STRN3: variants seen among roughly 807,000 people sequenced by gnomAD.
STRN3 encodes striatin-3.
In STRN3, 29 loss-of-function variants were observed where a neutral mutation model predicts 95.6. That is an observed-to-expected ratio of 0.30 (90% CI 0.23 to 0.41). The LOEUF is 0.41. STRN3 is among the 10% of genes least tolerant of loss of function. The pLI is 1.00. For missense variants in STRN3, 890 were observed against 972.1 expected, an observed-to-expected ratio of 0.92 and a Z score of 1.12; for synonymous variants, 331 against 357.6, an observed-to-expected ratio of 0.93 and a Z score of 0.84.
intron 1 of STRN3, among the ~76,000 whole-genome samples, chr14:30,978,596 A>G (rs1379596380): frequency 6.6e-6 from 1 of 152,200 alleles, no homozygotes; most frequent in Admixed American, 6.5e-5. Context: ...ATTCAACATC[A>G]TACTCAAAGT....
At chr14:30,942,580 G>A (rs1366980109) in intron 5 of STRN3, among the ~76,000 whole-genome samples, 1 of 152,150 alleles carries the variant, frequency 6.6e-6, no homozygotes, top group African/African-American at 2.4e-5. Context: ...AACAACTGGA[G>A]GTTCAAAGGT....
At chr14:30,914,594 C>T (rs1465260070) in intron 9 of STRN3, among the ~76,000 whole-genome samples, 1 of 152,134 alleles carries the variant, frequency 6.6e-6, no homozygotes, top group Non-Finnish European at 1.5e-5. Flanking sequence ...TCAAGTGATC[C>T]ACCTGCCTCG....
chr14:31,024,245 C>A (rs1177607691), intron 1 of STRN3, among the ~76,000 whole-genome samples: 1 of 152,144 alleles, frequency 6.6e-6, no homozygotes, highest in Non-Finnish European at 1.5e-5. Flanking sequence ...TCTAAGAAAC[C>A]ATAGCAGGGA....
chr14:30,929,967 A>AAACAAAAAAAAAAAAAAAAAC (rs1555317340), intron 7 of STRN3, among the ~76,000 whole-genome samples: 1 of 91,122 alleles, frequency 1.1e-5, no homozygotes, highest in Non-Finnish European at 2.3e-5. Context: ...AAAAAAAAAA[A>AAACAAAAAAAAAAAAAAAAAC]AAAAAAAAAA....
chr14:30,942,572 C>A (rs1011483040), intron 5 of STRN3, among the ~76,000 whole-genome samples: 2 of 152,196 alleles, frequency 1.3e-5, no homozygotes, highest in Non-Finnish European at 2.9e-5. Flanking sequence ...CGGGGAGCAA[C>A]AACTGGAGGT....
intron 1 of STRN3, among the ~76,000 whole-genome samples, chr14:31,017,223 G>A (rs1405593906): frequency 1.3e-5 from 2 of 152,070 alleles, no homozygotes; most frequent in Admixed American, 6.6e-5. Context: ...ATCTAGGCCG[G>A]GCGCAGTGGC....
At chr14:30,964,386 G>C (rs1880371121) in intron 1 of STRN3, 1 of 152,610 alleles carries the variant, frequency 6.6e-6, no homozygotes, top group Admixed American at 6.5e-5. Flanking sequence ...TTCATATGAT[G>C]ATCAGGGATC....
intron 15 of STRN3, 44 bp from the exon 16 acceptor site, chr14:30,902,687 A>C: frequency 7.8e-7 from 1 of 1,288,956 alleles, no homozygotes; most frequent in South Asian, 1.3e-5. Context: ...CAAACCTTTA[A>C]TAAGAAGTTG....
At position 31,026,130 on chromosome 14, in the gene STRN3, C is replaced by A. The variant is rs1566503641; in HGVS notation, c.56G>T (p.Arg19Leu). The stretch of plus-strand genomic sequence containing the variant: ...GTTCCCCCCAGGTCCCTGCTGCTGC[C>A]GGGGAGGGGCCGCCATCCCCGGGCC... ...GGGPGMAAPP[R>L]QQQGPGGNLG... Residue 19 changes from arginine (R) to leucine (L), a missense_variant, in exon 1 of 18, where the codon CGG becomes CTG. Physicochemically the swap from Arg to Leu is moderately radical, Grantham distance 102 (BLOSUM62 -2). Coordinates refer to ENST00000357479, the MANE Select transcript of STRN3 (RefSeq NM_001083893.2). 1 of 1,497,438 alleles carries A rather than the reference C, an allele frequency of 6.7e-7. No homozygotes were observed. 92.8% of individuals were successfully genotyped at this position (1,497,438 alleles called of 1,614,324 possible).
intron 8 of STRN3, among the ~76,000 whole-genome samples, chr14:30,923,467 G>A (rs1188517973): frequency 2.6e-5 from 4 of 151,938 alleles, no homozygotes; most frequent in African/African-American, 4.8e-5. Context: ...CACCAGTAAC[G>A]GAGAGAAGGG....
Position 30,912,076 on chromosome 14 carries a change from A to C in STRN3, c.1481T>G (p.Val494Gly). The C allele has an allele frequency of 6.2e-7, 1 of 1,614,190 alleles. No individual in the cohort carries two copies. Among genetic ancestry groups the C allele is most frequent in the East Asian group, 2.2e-5 (1 of 44,874 alleles). The stretch of plus-strand genomic sequence containing the variant: ...ATGGTCCTCAGAAGCAGTAACCAGC[A>C]CAGGTTCTACAGGATGAAAAGCTAA... The part of the protein sequence containing the change: ...RALAFHPVEP[V>G]LVTASEDHTL... The change falls in exon 11 of 18, where the codon GTG becomes GGG. Residue 494 changes from valine (V) to glycine (G), a missense_variant. Val to Gly is a moderately radical substitution (Grantham distance 109). Around this residue, in one of 3 missense-constraint regions of STRN3, gnomAD observed 357 missense variants for 422.8 expected, o/e 0.84. Coordinates refer to ENST00000357479, the MANE Select transcript of STRN3 (RefSeq NM_001083893.2).
chr14:30,929,365 T>C, intron 7 of STRN3, 54 bp from the exon 8 acceptor site: 1 of 1,363,438 alleles, frequency 7.3e-7, no homozygotes, highest in East Asian at 2.3e-5. Context: ...CAATGCAAGC[T>C]GTTGGCAGTA....
chr14:31,004,821 T>C (rs1225199229), intron 1 of STRN3, among the ~76,000 whole-genome samples: 1 of 151,958 alleles, frequency 6.6e-6, no homozygotes, highest in African/African-American at 2.4e-5. Flanking sequence ...AGTGACCACA[T>C]ACTGTACACC....
At chr14:30,911,928 C>T in intron 11 of STRN3, 79 bp downstream of exon 11, 1 of 1,556,902 alleles carries the variant, frequency 6.4e-7, no homozygotes, top group Non-Finnish European at 8.7e-7. Flanking sequence ...GCATTAAAGA[C>T]ATGCAACAAT....
At chr14:30,982,924 T>TAAA (rs1315176928) in intron 1 of STRN3, among the ~76,000 whole-genome samples, 5 of 152,110 alleles carry the variant, frequency 3.3e-5, no homozygotes, top group Non-Finnish European at 7.3e-5. Context: ...CATGTAATAA[T>TAAA]AAACCTACAC....
chr14:31,007,532 T>C (rs1024096739), intron 1 of STRN3, among the ~76,000 whole-genome samples: 3 of 152,182 alleles, frequency 2.0e-5, no homozygotes, highest in Admixed American at 6.5e-5. Flanking sequence ...ATTATCTATA[T>C]TGGAATATGA....
Position 30,895,599 on chromosome 14 carries a change from A to C in STRN3, c.2225-19T>G. On this transcript the variant is annotated intron_variant, in intron 17 of 17. Transcript: ENST00000357479. ...TCATGGCCTGTAAAAGAACAAATAA[A>C]ATTTGTTACTGAGTAACAATCTTTT... 1 of 1,610,072 alleles carries C rather than the reference A, an allele frequency of 6.2e-7. No individual in the cohort carries two copies. Among genetic ancestry groups the C allele is most frequent in the Non-Finnish European group, 8.5e-7 (1 of 1,177,590 alleles).
chr14:30,913,706 A>G, intron 9 of STRN3, 49 bp from the exon 10 acceptor site: 1 of 1,570,774 alleles, frequency 6.4e-7, no homozygotes, highest in Non-Finnish European at 8.6e-7. Context: ...CATACAGTAC[A>G]AGACAATATT....
chr14:31,017,099 A>G (rs1883274998), intron 1 of STRN3, among the ~76,000 whole-genome samples: 1 of 151,926 alleles, frequency 6.6e-6, no homozygotes, highest in African/African-American at 2.4e-5. Flanking sequence ...GGCTGCAGTG[A>G]GCAGTGATTG....
Sources: allele counts gnomAD v4.1 joint callset (sites outside exome capture counted in the v4.1 genomes callset), GRCh38; gene constraint gnomAD v4.1.1; regional missense constraint gnomAD v4.1.1; transcripts MANE v1.5; gene names NCBI Gene and HGNC (gene_info 2026-07-23, HGNC 2026-07-21).